PCDHA3: variants seen among roughly 807,000 people sequenced by gnomAD.
The protein encoded by PCDHA3 is protocadherin alpha 3, also known as protocadherin alpha-3.
A neutral mutation model predicts 62.2 loss-of-function variants in PCDHA3; 41 were observed. The ratio of observed to expected loss-of-function variants is 0.66; its 90% CI spans 0.51 to 0.86. The LOEUF (loss-of-function observed/expected upper bound fraction) is 0.86, where lower values mean the gene tolerates loss of function less well. Among genes scored for constraint, PCDHA3 ranks in the 40% least tolerant of loss-of-function variants. The pLI, the probability that PCDHA3 is intolerant of heterozygous loss-of-function variation, is 0.00. For synonymous variants in PCDHA3, 640 were observed against 555.4 expected (o/e 1.15, Z -2.14); for missense variants, 1,304 against 1,241.2 (o/e 1.05, Z -0.76).
At chr5:140,828,983 A>T in intron 1 of PCDHA3, 1 of 1,614,204 alleles carries the variant, frequency 6.2e-7, no homozygotes, top group Non-Finnish European at 8.5e-7. Context: ...CATAGATCGA[A>T]ATACGGGAGA....
At chr5:140,819,237 C>G (rs1431831508) in intron 1 of PCDHA3, among the ~76,000 whole-genome samples, 3 of 152,128 alleles carry the variant, frequency 2.0e-5, no homozygotes, top group African/African-American at 7.2e-5. Context: ...ATTTCCTCTT[C>G]TCTGCAATCT....
intron 1 of PCDHA3, among the ~76,000 whole-genome samples, chr5:140,948,960 G>A (rs900113633): frequency 5.9e-5 from 9 of 151,550 alleles, no homozygotes; most frequent in Non-Finnish European, 1.2e-4. Context: ...TTAAAGCCAC[G>A]AATTTATTAG....
chr5:140,988,551 ATCT>A (rs1472655983), intron 3 of PCDHA3, among the ~76,000 whole-genome samples: 4 of 152,158 alleles, frequency 2.6e-5, no homozygotes, highest in South Asian at 2.1e-4. Flanking sequence ...GACTTTCTTC[ATCT>A]TCTTCTTGGG....
At chr5:140,976,597 G>A (rs1477005420) in intron 1 of PCDHA3, among the ~76,000 whole-genome samples, 1 of 152,062 alleles carries the variant, frequency 6.6e-6, no homozygotes, top group South Asian at 2.1e-4. Flanking sequence ...TTTGTGTTAA[G>A]GGGACCTAAA....
At position 140,805,657 on chromosome 5, in the gene PCDHA3, C is replaced by T. The variant is rs1763614224; in HGVS notation, c.2394+2066C>T. On this transcript the variant is annotated intron_variant, in intron 1 of 3. Coordinates refer to ENST00000522353, the MANE Select transcript of PCDHA3 (RefSeq NM_018906.3). ...TTTATTTATTGGGAAGTCTTCATTC[C>T]CCATTAATACCCAGGATGATTCAAA... 3 of 838,596 alleles carry T rather than the reference C, an allele frequency of 3.6e-6. No homozygotes were observed. The South Asian group carries it at 1.6e-4, about 46-fold the overall frequency. 51.9% of individuals were successfully genotyped at this position (838,596 alleles called of 1,614,324 possible). A position where few individuals can be genotyped will look rare whatever the true frequency, so the allele number is the denominator to read the frequency against.
At chr5:140,931,675 A>G (rs2087672558) in intron 1 of PCDHA3, among the ~76,000 whole-genome samples, 1 of 151,968 alleles carries the variant, frequency 6.6e-6, no homozygotes, top group Admixed American at 6.5e-5. Context: ...TTCCTTATAA[A>G]TAAATGAATT....
intron 1 of PCDHA3, chr5:140,849,861 G>A (rs2150454483): frequency 1.9e-6 from 3 of 1,598,586 alleles, no homozygotes; most frequent in Admixed American, 3.4e-5. Context: ...ACCAGCGTTC[G>A]CGCAGTCCGA....
chr5:140,869,670 T>G, intron 1 of PCDHA3: 1 of 1,613,470 alleles, frequency 6.2e-7, no homozygotes, highest in Non-Finnish European at 8.5e-7. Context: ...GTAAGCAGAT[T>G]AAAAGACTGT....
chr5:140,802,400 C>G lies in PCDHA3; in HGVS notation c.1203C>G (p.Phe401Leu). The change falls in exon 1 of 4, where the codon TTC (phenylalanine) becomes TTG (leucine). Residue 401 changes from phenylalanine to leucine, a missense_variant. Phe to Leu is a conservative substitution (Grantham distance 22). Coordinates refer to ENST00000522353, the MANE Select transcript of PCDHA3 (RefSeq NM_018906.3). Reference protein sequence around the residue: ...PHVPFKLVSTFKNYYSLVLDS... With the variant: ...PHVPFKLVSTLKNYYSLVLDS... ...TCCCCTTCAAGCTGGTGTCCACCTT[C>G]AAGAATTACTACTCATTGGTGCTGG... 1 of 1,614,242 alleles carries G rather than the reference C, an allele frequency of 6.2e-7. No individual in the cohort carries two copies. Among genetic ancestry groups the G allele is most frequent in the Non-Finnish European group, 8.5e-7 (1 of 1,180,046 alleles).
chr5:140,924,785 C>G (rs2082005933), intron 1 of PCDHA3, among the ~76,000 whole-genome samples: 1 of 151,704 alleles, frequency 6.6e-6, no homozygotes, highest in African/African-American at 2.4e-5. Context: ...GTCCTAGCTA[C>G]TTAGGAGGCT....
chr5:140,942,223 G>A (rs1334170178), intron 1 of PCDHA3, among the ~76,000 whole-genome samples: 4 of 152,064 alleles, frequency 2.6e-5, no homozygotes, highest in African/African-American at 9.7e-5. Flanking sequence ...TTTAAAATGT[G>A]TAGGCAAATA....
intron 1 of PCDHA3, among the ~76,000 whole-genome samples, chr5:140,944,779 T>C (rs1022054674): frequency 6.6e-6 from 1 of 152,228 alleles, no homozygotes; most frequent in African/African-American, 2.4e-5. Flanking sequence ...CCTCCTGTTA[T>C]TGTATTTTAC....
At position 140,928,565 on chromosome 5, in the gene PCDHA3, C is replaced by T. The variant is rs1227327620; in HGVS notation, c.2395-50384C>T. 2.5e-6 allele frequency: 4 copies of T among 1,614,038 alleles called. No individual in the cohort carries two copies. The highest frequency in any genetic ancestry group is 3.4e-6 in the Non-Finnish European group (4 of 1,180,038). On this transcript the variant is annotated intron_variant, in intron 1 of 3. Transcript: ENST00000522353. Reference sequence around the variant, plus strand: ...GACAATTATCCGGTTATCTTGTTTCCCTTGCCCAGAAATGGTTCTGTCCCA... The same window carrying T: ...GACAATTATCCGGTTATCTTGTTTCTCTTGCCCAGAAATGGTTCTGTCCCA...
At chr5:140,808,400 T>C (rs555840522) in intron 1 of PCDHA3, 5 of 1,614,170 alleles carry the variant, frequency 3.1e-6, no homozygotes, top group Admixed American at 3.3e-5. Flanking sequence ...CAAGAATTAC[T>C]ACTCGTTGGT....
At chr5:140,983,228 A>T (rs1012242202) in intron 3 of PCDHA3, among the ~76,000 whole-genome samples, 4 of 152,240 alleles carry the variant, frequency 2.6e-5, no homozygotes, top group Non-Finnish European at 4.4e-5. Context: ...CCAAACTTTC[A>T]GGAAAGAGAA....
intron 1 of PCDHA3, chr5:140,808,488 C>G: frequency 6.2e-7 from 1 of 1,614,170 alleles, no homozygotes. Flanking sequence ...GGCTCGCCTT[C>G]GCTGTGGGCC....
intron 3 of PCDHA3, among the ~76,000 whole-genome samples, chr5:140,998,871 A>C (rs1554256499): frequency 6.6e-6 from 1 of 152,200 alleles, no homozygotes; most frequent in African/African-American, 2.4e-5. Flanking sequence ...CTTGTAAATA[A>C]TAAGTTTAGT....
At chr5:140,991,440 C>T (rs2097452926) in intron 3 of PCDHA3, among the ~76,000 whole-genome samples, 1 of 152,190 alleles carries the variant, frequency 6.6e-6, no homozygotes, top group Non-Finnish European at 1.5e-5. Context: ...AACTTCATGG[C>T]TTAAAACAAC....
Position 140,808,677 on chromosome 5 carries a change from G to T in PCDHA3, c.2394+5086G>T. ...CTGGTGTCCTACTCGCTGGTAGAGC[G>T]GCGGGTAGGGGAGCGCGCGCTGTCG... On this transcript the variant is annotated intron_variant, in intron 1 of 3. Coordinates refer to ENST00000522353, the MANE Select transcript of PCDHA3 (RefSeq NM_018906.3). The T allele has an allele frequency of 6.2e-7, 1 of 1,612,648 alleles. No individual in the cohort carries two copies. Among genetic ancestry groups the T allele is most frequent in the Non-Finnish European group, 8.5e-7 (1 of 1,179,834 alleles).
Sources: allele counts gnomAD v4.1 joint callset (sites outside exome capture counted in the v4.1 genomes callset), GRCh38; gene constraint gnomAD v4.1.1; transcripts MANE v1.5; gene names NCBI Gene and HGNC (gene_info 2026-07-23, HGNC 2026-07-21).